TTC27: variants seen among roughly 807,000 people sequenced by gnomAD.
TTC27 encodes tetratricopeptide repeat protein 27.
TTC27 carries 79 observed loss-of-function variants against 115.9 expected under a neutral mutation model. That is an observed-to-expected ratio of 0.68 (90% CI 0.57 to 0.82). The LOEUF is 0.82. TTC27 is among the 40% of genes least tolerant of loss of function. TTC27 has a pLI of 0.00. For missense variants in TTC27, 1,054 were observed against 993.1 expected, an observed-to-expected ratio of 1.06 and a Z score of -0.82; for synonymous variants, 401 against 356.0, an observed-to-expected ratio of 1.13 and a Z score of -1.42.
intron 12 of TTC27, among the ~76,000 whole-genome samples, chr2:32,753,529 C>T (rs1669092620): frequency 6.6e-6 from 1 of 150,510 alleles, no homozygotes; most frequent in African/African-American, 2.5e-5. Context: ...CCTCTGCCTC[C>T]CACTCTGCCT....
Position 32,628,279 on chromosome 2 carries a change from C to A in TTC27, c.-14C>A. The A allele has an allele frequency of 1.3e-6, 2 of 1,598,580 alleles. No individual in the cohort carries two copies. The highest frequency in any genetic ancestry group is 1.7e-6 in the Non-Finnish European group (2 of 1,174,364). On this transcript the variant is annotated 5_prime_UTR_variant, in exon 1 of 20. Coordinates refer to ENST00000317907, the MANE Select transcript of TTC27 (RefSeq NM_017735.5). Reference sequence around the variant, plus strand: ...TCGTGGGAGCCTGTTTTGGCTGCAGCGGTGTCTGGGGTGATGTGGACCCCG... The same window carrying A: ...TCGTGGGAGCCTGTTTTGGCTGCAGAGGTGTCTGGGGTGATGTGGACCCCG...
chr2:32,665,007 T>A (rs766639716), intron 6 of TTC27, among the ~76,000 whole-genome samples: 53 of 151,720 alleles, frequency 3.5e-4, no homozygotes, highest in African/African-American at 4.4e-4. Context: ...TAATTTTTTT[T>A]ATTTTTTTTT....
chr2:32,664,329 G>A lies in TTC27; in HGVS notation c.667G>A (p.Asp223Asn). ...QVMKLQNLFVDDSGRYLAIQF... is the reference protein window; with the variant it reads ...QVMKLQNLFVNDSGRYLAIQF... ...GATGAAACTACAGAATCTGTTTGTAGATGATTCAGGTCGATATTTGGCTAT... is the reference window on the plus strand; with the variant it reads ...GATGAAACTACAGAATCTGTTTGTAAATGATTCAGGTCGATATTTGGCTAT... Residue 223 changes from aspartate (D) to asparagine (N), a missense_variant, in exon 6 of 20, where the codon GAT becomes AAT. Physicochemically the swap from Asp to Asn is conservative, Grantham distance 23. Coordinates refer to ENST00000317907, the MANE Select transcript of TTC27 (RefSeq NM_017735.5). The A allele has an allele frequency of 6.2e-7, 1 of 1,606,184 alleles. No individual in the cohort carries two copies. Among genetic ancestry groups the A allele is most frequent in the South Asian group, 1.1e-5 (1 of 89,666 alleles).
chr2:32,721,219 C>A (rs75110632), intron 10 of TTC27, among the ~76,000 whole-genome samples: 5 of 152,166 alleles, frequency 3.3e-5, no homozygotes, highest in Non-Finnish European at 7.3e-5. Flanking sequence ...GACTCTTGAC[C>A]TTCTGTCTCA....
chr2:32,691,705 A>G (rs1666817600), intron 9 of TTC27, among the ~76,000 whole-genome samples: 1 of 151,014 alleles, frequency 6.6e-6, no homozygotes, highest in Admixed American at 6.7e-5. Flanking sequence ...TTTATAAAAT[A>G]TTATAACTAT....
chr2:32,754,721 C>T (rs1483407887), intron 12 of TTC27, among the ~76,000 whole-genome samples: 3 of 151,496 alleles, frequency 2.0e-5, no homozygotes, highest in Non-Finnish European at 4.4e-5. Flanking sequence ...GTAGGGGCGG[C>T]CGGGCAGAGG....
intron 17 of TTC27, 36 bp downstream of exon 17, chr2:32,811,257 G>A (rs3731578): frequency 0.39 from 622,951 of 1,578,854 alleles, 125,846 homozygotes; most frequent in South Asian, 0.57. Flanking sequence ...CTTGCCTTTC[G>A]TTTGAACATG....
intron 13 of TTC27, among the ~76,000 whole-genome samples, chr2:32,766,821 T>C (rs1027333787): frequency 1.2e-4 from 18 of 152,196 alleles, no homozygotes; most frequent in Non-Finnish European, 2.6e-4. Context: ...GGTCTCACTC[T>C]GTCACTCAGG....
At position 32,804,087 on chromosome 2, in the gene TTC27, A is replaced by G. The variant is rs973035654; in HGVS notation, c.1999-6937A>G. Among the ~76,000 whole-genome samples the G allele has an allele frequency of 1.1e-4, 17 of 152,172 alleles. 1 individual carries two copies. Among genetic ancestry groups the G allele is most frequent in the African/African-American group, 4.1e-4 (17 of 41,452 alleles). On this transcript the variant is annotated intron_variant, in intron 16 of 19. Transcript: ENST00000317907. ...AGTCAATAAACATTTGGAAATGTTT[A>G]AGGAAATGGAAAAGTTTAACTTAAC...
intron 9 of TTC27, among the ~76,000 whole-genome samples, 156 bp downstream of exon 9, chr2:32,679,078 T>A (rs1451262796): frequency 6.6e-6 from 1 of 152,164 alleles, no homozygotes; most frequent in African/African-American, 2.4e-5. Flanking sequence ...GTCACATGTA[T>A]CTTGCTGCTG....
At chr2:32,664,563 A>G in intron 6 of TTC27, 96 bp downstream of exon 6, 6 of 1,076,960 alleles carry the variant, frequency 5.6e-6, no homozygotes, top group Non-Finnish European at 6.6e-6. Flanking sequence ...GATTTTCTAT[A>G]TCCTATTTGC....
chr2:32,807,229 TG>T (rs1671161978), intron 16 of TTC27, among the ~76,000 whole-genome samples: 1 of 152,210 alleles, frequency 6.6e-6, no homozygotes, highest in African/African-American at 2.4e-5. Flanking sequence ...TGTTTTTAAA[TG>T]TATATTAAAA....
chr2:32,714,186 T>C (rs1572541226), intron 10 of TTC27, among the ~76,000 whole-genome samples: 1 of 132,742 alleles, frequency 7.5e-6, no homozygotes, highest in South Asian at 2.7e-4. Flanking sequence ...TGAGATGGAG[T>C]CTCGCTCTGT....
chr2:32,665,341 T>C (rs1014054270), intron 6 of TTC27, among the ~76,000 whole-genome samples: 9 of 152,184 alleles, frequency 5.9e-5, no homozygotes, highest in African/African-American at 1.9e-4. Context: ...TGGCCATGTG[T>C]AAGTTGTCTG....
intron 4 of TTC27, among the ~76,000 whole-genome samples, 175 bp from the exon 5 acceptor site, chr2:32,649,956 G>A (rs1334891427): frequency 6.6e-6 from 1 of 152,108 alleles, no homozygotes; most frequent in Non-Finnish European, 1.5e-5. Flanking sequence ...TTATTCTTAT[G>A]GAAGACACAG....
intron 3 of TTC27, among the ~76,000 whole-genome samples, chr2:32,635,658 TG>T (rs1402829298): frequency 6.6e-6 from 1 of 152,004 alleles, no homozygotes; most frequent in East Asian, 1.9e-4. Context: ...CACTCCAGCC[TG>T]GGTGACAGAG....
At position 32,628,398 on chromosome 2, in the gene TTC27, C is replaced by T. The variant is rs150000530; in HGVS notation, c.88+18C>T. 12 of 1,567,844 alleles carry T rather than the reference C, an allele frequency of 7.7e-6. No homozygotes were observed. In the East Asian group the frequency reaches 1.4e-4, roughly 18 times the overall value. ...CGGTTCAGGTGAGAGGCGCACCTAC[C>T]GGGCCTTAGGCTATCGTGGGAACTG... On this transcript the variant is annotated intron_variant, in intron 1 of 19. Coordinates refer to ENST00000317907, the MANE Select transcript of TTC27 (RefSeq NM_017735.5).
At chr2:32,718,088 C>A (rs1287319747) in intron 10 of TTC27, among the ~76,000 whole-genome samples, 1 of 152,098 alleles carries the variant, frequency 6.6e-6, no homozygotes, top group African/African-American at 2.4e-5. Context: ...ATTTCTCTTG[C>A]TGGATTATAT....
intron 10 of TTC27, among the ~76,000 whole-genome samples, chr2:32,719,635 G>T (rs1327235124): frequency 6.6e-6 from 1 of 152,164 alleles, no homozygotes; most frequent in Non-Finnish European, 1.5e-5. Flanking sequence ...TTCTCAAAGG[G>T]GTGAGATTAT....
Sources: allele counts gnomAD v4.1 joint callset (sites outside exome capture counted in the v4.1 genomes callset), GRCh38; gene constraint gnomAD v4.1.1; transcripts MANE v1.5; gene names NCBI Gene and HGNC (gene_info 2026-07-23, HGNC 2026-07-21).